Variants in ELP4 observed in about 807,000 individuals in gnomAD.
ELP4 encodes the protein elongator acetyltransferase complex subunit 4, also known as elongator complex protein 4.
ELP4 carries 51 observed loss-of-function variants against 48.9 expected under a neutral mutation model. The ratio of observed to expected loss-of-function variants is 1.04; its 90% CI spans 0.83 to 1.32. The LOEUF is 1.32. ELP4 is among the 40% of genes most tolerant of loss of function. The probability of loss-of-function intolerance (pLI) is 0.00; values close to 1 mark genes in which losing one functional copy is unlikely to be tolerated. For missense variants in ELP4, 519 were observed against 514.6 expected, an observed-to-expected ratio of 1.01 and a Z score of -0.08; for synonymous variants, 210 against 189.2, an observed-to-expected ratio of 1.11 and a Z score of -0.90.
intron 9 of ELP4, among the ~76,000 whole-genome samples, chr11:31,703,507 A>G (rs1388336898): frequency 6.6e-6 from 1 of 152,198 alleles, no homozygotes; most frequent in Non-Finnish European, 1.5e-5. Flanking sequence ...GAGAATTTGA[A>G]GCAGTTACCT....
chr11:31,580,463 T>C (rs573471370), intron 3 of ELP4, among the ~76,000 whole-genome samples: 5 of 152,238 alleles, frequency 3.3e-5, no homozygotes, highest in Admixed American at 3.3e-4. Context: ...TGGCATTTAT[T>C]TGACTTCTTA....
chr11:31,777,806 G>A lies in ELP4; in HGVS notation c.1144-5587G>A, dbSNP rs146560532. Among the ~76,000 whole-genome samples, 5 of 152,236 alleles carry A rather than the reference G, an allele frequency of 3.3e-5. No individual in the cohort carries two copies. The East Asian group carries it at 7.7e-4, about 24-fold the overall frequency. ...TTCCCACTCTGAATTGCTTACTTCT[G>A]GACTGTAAAATGGAAAAGGAATAAA... On this transcript the variant is annotated intron_variant, in intron 9 of 9. Coordinates refer to ENST00000640961, the MANE Select transcript of ELP4 (RefSeq NM_019040.5).
intron 3 of ELP4, among the ~76,000 whole-genome samples, chr11:31,551,785 T>A (rs1956857398): frequency 6.6e-6 from 1 of 152,172 alleles, no homozygotes; most frequent in Non-Finnish European, 1.5e-5. Flanking sequence ...TGCTGTTTTT[T>A]AAATAATTTC....
intron 9 of ELP4, among the ~76,000 whole-genome samples, chr11:31,763,059 T>A (rs1398981543): frequency 6.6e-6 from 1 of 151,628 alleles, no homozygotes; most frequent in Non-Finnish European, 1.5e-5. Flanking sequence ...CTACTCAAGA[T>A]TTGGCTTCTT....
intron 9 of ELP4, chr11:31,664,491 T>G (rs932827906): frequency 6.6e-6 from 1 of 152,146 alleles, no homozygotes; most frequent in Non-Finnish European, 1.5e-5. Flanking sequence ...TGTTTGCTAA[T>G]AGAATAATGT....
chr11:31,523,039 ATT>A (rs369793709), intron 2 of ELP4, among the ~76,000 whole-genome samples: 5 of 145,320 alleles, frequency 3.4e-5, no homozygotes, highest in African/African-American at 1.0e-4. Flanking sequence ...TTATTTATTA[ATT>A]TTTTTTTTTT....
intron 9 of ELP4, chr11:31,662,465 G>GTTT: frequency 2.5e-6 from 1 of 395,378 alleles, no homozygotes; most frequent in Non-Finnish European, 4.5e-6. Context: ...TGTTGTTGTT[G>GTTT]TTTTAATACA....
At chr11:31,634,909 A>G (rs1944940474) in intron 7 of ELP4, among the ~76,000 whole-genome samples, 1 of 151,976 alleles carries the variant, frequency 6.6e-6, no homozygotes, top group African/African-American at 2.4e-5. Flanking sequence ...AAAAAACTGC[A>G]CAACCTTCTA....
intron 8 of ELP4, 31 bp from the exon 9 acceptor site, chr11:31,650,084 A>G (rs375703526): frequency 3.7e-5 from 34 of 924,496 alleles, no homozygotes; most frequent in Non-Finnish European, 5.9e-5. Flanking sequence ...AATGTTTTAA[A>G]TTTTTTTTCT....
chr11:31,622,980 G>A (rs1170759877), intron 5 of ELP4, among the ~76,000 whole-genome samples: 1 of 151,354 alleles, frequency 6.6e-6, no homozygotes, highest in African/African-American at 2.4e-5. Context: ...TATGTTCTTT[G>A]TATAGCTAAT....
At chr11:31,594,098 T>C in intron 3 of ELP4, among the ~76,000 whole-genome samples, 1 of 152,104 alleles carries the variant, frequency 6.6e-6, no homozygotes, top group South Asian at 2.1e-4. Flanking sequence ...TTAAATACAG[T>C]TTTCTTTGAA....
intron 3 of ELP4, among the ~76,000 whole-genome samples, chr11:31,589,592 T>C (rs1957535856): frequency 6.6e-6 from 1 of 152,222 alleles, no homozygotes; most frequent in African/African-American, 2.4e-5. Context: ...GTGCTGTTTC[T>C]ACTATGTCAA....
At chr11:31,647,718 T>A in intron 7 of ELP4, 23 bp from the exon 8 acceptor site, 1 of 1,359,898 alleles carries the variant, frequency 7.4e-7, no homozygotes, top group Middle Eastern at 1.8e-4. Flanking sequence ...TTAACGTTAC[T>A]GTTTTGTTTC....
chr11:31,588,954 G>C (rs1046646999), intron 3 of ELP4, among the ~76,000 whole-genome samples: 1 of 152,168 alleles, frequency 6.6e-6, no homozygotes, highest in Non-Finnish European at 1.5e-5. Context: ...CTGCATGCTA[G>C]CCTGGGCAAC....
chr11:31,571,326 C>T (rs189321747), intron 3 of ELP4, among the ~76,000 whole-genome samples: 5 of 152,260 alleles, frequency 3.3e-5, no homozygotes, highest in African/African-American at 4.8e-5. Flanking sequence ...TCCAGAAGTA[C>T]CAACTCCGTA....
intron 9 of ELP4, among the ~76,000 whole-genome samples, chr11:31,669,304 T>C (rs1349179879): frequency 6.6e-6 from 1 of 152,046 alleles, no homozygotes; most frequent in Non-Finnish European, 1.5e-5. Context: ...CAGAATGGTC[T>C]CAATCTCCTA....
chr11:31,683,311 A>C (rs1946093669), intron 9 of ELP4, among the ~76,000 whole-genome samples: 1 of 152,102 alleles, frequency 6.6e-6, no homozygotes. Flanking sequence ...CAAAGTTTGG[A>C]GTTTTTTAAT....
Position 31,514,276 on chromosome 11 carries a change from T to G in ELP4, c.223+4269T>G, listed in dbSNP as rs1005947964. ...GAGTTTGAGACAAGCCTGGGCAACA[T>G]AGAGAGACCCTGGCTCTTCAGAAAA... On this transcript the variant is annotated intron_variant, in intron 1 of 9. Transcript: ENST00000640961. Among the ~76,000 whole-genome samples the G allele has an allele frequency of 2.9e-4, 44 of 152,038 alleles. 1 individual carries two copies. Among genetic ancestry groups the G allele is most frequent in the African/African-American group, 9.4e-4 (39 of 41,400 alleles).
Position 31,754,459 on chromosome 11 carries a change from T to C in ELP4, c.1144-28934T>C, listed in dbSNP as rs149951288. 2.4e-3 allele frequency among the ~76,000 whole-genome samples: 365 copies of C among 152,222 alleles called. 1 individual carries two copies. Among genetic ancestry groups the C allele is most frequent in the African/African-American group, 8.2e-3 (341 of 41,548 alleles). ...AGTGACTTGCACCTACTGTACCCTATAGTACAGTAATACTAGTACAACTAG... is the reference window on the plus strand; with the variant it reads ...AGTGACTTGCACCTACTGTACCCTACAGTACAGTAATACTAGTACAACTAG... On this transcript the variant is annotated intron_variant, in intron 9 of 9. Coordinates refer to ENST00000640961, the MANE Select transcript of ELP4 (RefSeq NM_019040.5).
Sources: gnomAD v4.1 joint callset for allele counts (sites outside exome capture counted in the v4.1 genomes callset) on GRCh38, gnomAD v4.1.1 for gene constraint, MANE v1.5 for transcripts, NCBI Gene and HGNC (gene_info 2026-07-23, HGNC 2026-07-21) for gene names.